The following PBX1 variants were observed in gnomAD, a reference collection of about 807,000 sequenced individuals.
The protein encoded by PBX1 is pre-B-cell leukemia transcription factor 1.
In PBX1, 6 loss-of-function variants were observed where a neutral mutation model predicts 53.4. The observed-to-expected ratio is 0.11, with a 90% confidence interval of 0.06 to 0.22. PBX1 has a LOEUF of 0.22. Among genes scored for constraint, PBX1 ranks in the 10% least tolerant of loss-of-function variants. The probability of loss-of-function intolerance (pLI) is 1.00; values close to 1 mark genes in which losing one functional copy is unlikely to be tolerated. For missense variants in PBX1, 251 were observed against 551.4 expected (o/e 0.46, Z 5.46); for synonymous variants, 204 against 212.3 (o/e 0.96, Z 0.34).
At chr1:164,779,392 G>T (rs1056956221) in intron 2 of PBX1, among the ~76,000 whole-genome samples, 6 of 152,118 alleles carry the variant, frequency 3.9e-5, no homozygotes, top group Non-Finnish European at 7.3e-5. Context: ...TGGGGTCCTT[G>T]TTGGAGTAGC....
intron 2 of PBX1, among the ~76,000 whole-genome samples, chr1:164,686,782 C>A (rs1030862638): frequency 1.2e-4 from 18 of 151,860 alleles, no homozygotes; most frequent in Admixed American, 1.1e-3. Flanking sequence ...CACGATGAAA[C>A]CCCGTCTCTA....
At chr1:164,801,778 T>C (rs1004431302) in intron 4 of PBX1, among the ~76,000 whole-genome samples, 1 of 152,236 alleles carries the variant, frequency 6.6e-6, no homozygotes, top group Non-Finnish European at 1.5e-5. Flanking sequence ...AACTAACCTA[T>C]TGTCATCGTT....
At chr1:164,620,090 G>A (rs576500993) in intron 2 of PBX1, among the ~76,000 whole-genome samples, 4 of 152,150 alleles carry the variant, frequency 2.6e-5, no homozygotes, top group Non-Finnish European at 4.4e-5. Context: ...CTACTCAGGA[G>A]GCTGAGGTGG....
chr1:164,712,524 T>A (rs778818796), intron 2 of PBX1, among the ~76,000 whole-genome samples: 1 of 152,288 alleles, frequency 6.6e-6, no homozygotes, highest in Middle Eastern at 3.4e-3. Flanking sequence ...ACTCTGGCCC[T>A]GGCTTTATTT....
chr1:164,615,236 C>T (rs934617160), intron 2 of PBX1, among the ~76,000 whole-genome samples: 7 of 152,012 alleles, frequency 4.6e-5, no homozygotes, highest in African/African-American at 1.7e-4. Flanking sequence ...TAAGTTGGAC[C>T]TCATTTCTTT....
At chr1:164,586,973 A>G (rs1334074804) in intron 2 of PBX1, among the ~76,000 whole-genome samples, 3 of 152,102 alleles carry the variant, frequency 2.0e-5, no homozygotes, top group Non-Finnish European at 2.9e-5. Context: ...TTGAATGTCG[A>G]CCTCACACCC....
At chr1:164,881,915 C>A (rs949250719) in intron 2 of PBX1, among the ~76,000 whole-genome samples, 3 of 152,176 alleles carry the variant, frequency 2.0e-5, no homozygotes, top group Non-Finnish European at 4.4e-5. Context: ...AGACTTGCAC[C>A]TACACTACCT....
chr1:164,644,129 C>T (rs926189892), intron 2 of PBX1, among the ~76,000 whole-genome samples: 1 of 152,108 alleles, frequency 6.6e-6, no homozygotes, highest in Non-Finnish European at 1.5e-5. Flanking sequence ...TGGCATCATG[C>T]TTCTAATATA....
At chr1:164,864,728 T>C (rs1174286808) in intron 2 of PBX1, among the ~76,000 whole-genome samples, 3 of 152,198 alleles carry the variant, frequency 2.0e-5, no homozygotes, top group Non-Finnish European at 4.4e-5. Context: ...CAAGTTCCCC[T>C]TGGCAGTACC....
intron 8 of PBX1, among the ~76,000 whole-genome samples, chr1:164,836,055 T>C (rs1479443270): frequency 6.6e-6 from 1 of 152,164 alleles, no homozygotes; most frequent in African/African-American, 2.4e-5. Flanking sequence ...AATCCTTGGC[T>C]TGTTTATATA....
chr1:164,774,943 G>C (rs143925167), intron 2 of PBX1, among the ~76,000 whole-genome samples: 2 of 152,170 alleles, frequency 1.3e-5, no homozygotes, highest in African/African-American at 4.8e-5. Context: ...CCTCCTCTGC[G>C]TTCGGAAAAG....
At chr1:164,759,387 C>T (rs1666694269) in intron 2 of PBX1, among the ~76,000 whole-genome samples, 1 of 152,156 alleles carries the variant, frequency 6.6e-6, no homozygotes, top group South Asian at 2.1e-4. Context: ...GGGTGGGTCA[C>T]CTTCTGAGTG....
At chr1:164,841,501 G>A (rs944732062) in intron 8 of PBX1, among the ~76,000 whole-genome samples, 1 of 152,146 alleles carries the variant, frequency 6.6e-6, no homozygotes, top group African/African-American at 2.4e-5. Flanking sequence ...TCTGGTGGCA[G>A]CTAGAGATAG....
Position 164,720,287 on chromosome 1 carries a change from G to T in PBX1, c.266-72207G>T, listed in dbSNP as rs1182650752. 3.9e-5 allele frequency among the ~76,000 whole-genome samples: 6 copies of T among 152,052 alleles called. No homozygotes were observed. In the East Asian group the frequency reaches 1.2e-3, roughly 29 times the overall value. On this transcript the variant is annotated intron_variant, in intron 2 of 8. Transcript: ENST00000420696. ...CAGTCCTGTGGGTTTAATGACCACA[G>T]GCAATTTTGTGGATATCTGGGGCTC... is the stretch of plus-strand genomic sequence containing the variant.
Position 164,848,354 on chromosome 1 carries a change from C to T in PBX1, c.*1678C>T. The T allele has an allele frequency of 9.5e-7, 1 of 1,057,286 alleles. No homozygotes were observed. The highest frequency in any genetic ancestry group is 1.1e-6 in the Non-Finnish European group (1 of 874,278). 65.5% of individuals were successfully genotyped at this position (1,057,286 alleles called of 1,614,324 possible). ...AAATATTTTGGTGCCTCATTTTCTT[C>T]ATCTGTGAGATGGGAACTGTTATGC... On this transcript the variant is annotated 3_prime_UTR_variant, in exon 9 of 9. Transcript: ENST00000420696.
intron 2 of PBX1, chr1:164,787,683 A>G (rs1419584815): frequency 1.3e-5 from 2 of 152,240 alleles, no homozygotes; most frequent in Non-Finnish European, 2.9e-5. Context: ...AGCTCCCACA[A>G]TGCTGTGACA....
intron 2 of PBX1, among the ~76,000 whole-genome samples, chr1:164,736,229 CA>C (rs1334905961): frequency 1.3e-5 from 2 of 152,186 alleles, no homozygotes; most frequent in African/African-American, 2.4e-5. Context: ...AGCCTCAAAT[CA>C]TTATAATTAC....
intron 8 of PBX1, among the ~76,000 whole-genome samples, chr1:164,845,606 A>G (rs981756044): frequency 6.6e-6 from 1 of 152,218 alleles, no homozygotes; most frequent in African/African-American, 2.4e-5. Flanking sequence ...ATTAACCACT[A>G]TAGCAAAGCA....
chr1:164,809,308 C>T (rs1248154861), intron 5 of PBX1, among the ~76,000 whole-genome samples: 1 of 152,116 alleles, frequency 6.6e-6, no homozygotes, highest in Non-Finnish European at 1.5e-5. Flanking sequence ...TATGGAAACT[C>T]AAGGTACAAA....
Sources: allele counts gnomAD v4.1 joint callset (sites outside exome capture counted in the v4.1 genomes callset), GRCh38; gene constraint gnomAD v4.1.1; transcripts MANE v1.5; gene names NCBI Gene and HGNC (gene_info 2026-07-23, HGNC 2026-07-21).